Variants in CEP63 observed in about 807,000 individuals in gnomAD.
CEP63 encodes centrosomal protein 63.
In CEP63, 84 loss-of-function variants were observed where a neutral mutation model predicts 89.1. The ratio of observed to expected loss-of-function variants is 0.94; its 90% CI spans 0.79 to 1.13. CEP63 has a LOEUF of 1.13. Ranked by LOEUF, CEP63 falls within the 50% of genes most tolerant of loss-of-function variation. The pLI is 0.00. For synonymous variants in CEP63, 267 were observed against 272.5 expected (o/e 0.98, Z 0.20); for missense variants, 838 against 813.3 (o/e 1.03, Z -0.37).
At chr3:134,721,568 G>C in the CEP63 span, among the ~76,000 whole-genome samples, 1 of 152,024 alleles carries the variant, frequency 6.6e-6, no homozygotes, top group Non-Finnish European at 1.5e-5. Context: ...ATGTTTTCAG[G>C]CTTTCACCAT....
chr3:134,494,403 C>T (rs1197321032), intron 1 of CEP63, among the ~76,000 whole-genome samples: 2 of 152,046 alleles, frequency 1.3e-5, no homozygotes, highest in Non-Finnish European at 2.9e-5. Context: ...GCGTGAGCCA[C>T]CGCACCCAAC....
the CEP63 span, among the ~76,000 whole-genome samples, chr3:134,750,743 T>G: frequency 6.6e-6 from 1 of 152,196 alleles, no homozygotes; most frequent in Non-Finnish European, 1.5e-5. Flanking sequence ...CATGAGTCTT[T>G]CTTGCCTAGA....
At chr3:134,741,808 G>T in the CEP63 span, among the ~76,000 whole-genome samples, 2 of 152,134 alleles carry the variant, frequency 1.3e-5, no homozygotes, top group African/African-American at 4.8e-5. Context: ...GGGATTGTTT[G>T]CTCCCTTCTG....
At chr3:134,565,169 T>C (rs4955549), downstream of CEP63, 172,004 of 172,154 alleles carry the variant, frequency 1, 85,927 homozygotes, top group Non-Finnish European at 1. Context: ...CATCTCATTC[T>C]TCTTGTCCTG....
chr3:134,710,923 T>G, the CEP63 span, among the ~76,000 whole-genome samples: 3 of 152,030 alleles, frequency 2.0e-5, no homozygotes, highest in South Asian at 6.2e-4. Context: ...GGTTTCACCA[T>G]GTTGGCCAGG....
chr3:134,564,809 G>T lies in CEP63; in HGVS notation c.*3274G>T. On this transcript the variant is annotated 3_prime_UTR_variant, in exon 15 of 15. Transcript: ENST00000675561. ...CCCGTTTCTGAAACGTTTGTACTACGTGTTGACTAGGAGGAACAATGACAG... is the reference window on the plus strand; with the variant it reads ...CCCGTTTCTGAAACGTTTGTACTACTTGTTGACTAGGAGGAACAATGACAG... 7.1e-6 allele frequency: 7 copies of T among 985,294 alleles called. No homozygotes were observed. Among genetic ancestry groups the T allele is most frequent in the Non-Finnish European group, 8.4e-6 (7 of 829,854 alleles). 61.0% of individuals were successfully genotyped at this position (985,294 alleles called of 1,614,324 possible). A position where few individuals can be genotyped will look rare whatever the true frequency, so the allele number is the denominator to read the frequency against.
the CEP63 span, among the ~76,000 whole-genome samples, chr3:134,708,400 G>A: frequency 1.9e-4 from 29 of 152,242 alleles, no homozygotes; most frequent in Non-Finnish European, 4.0e-4. Flanking sequence ...GAGGAAATGA[G>A]CAAGAAGTCT....
At chr3:134,626,092 A>G in the CEP63 span, among the ~76,000 whole-genome samples, 1 of 152,124 alleles carries the variant, frequency 6.6e-6, no homozygotes, top group Non-Finnish European at 1.5e-5. Context: ...TTCTTAACCA[A>G]GGGTCCCTGA....
In CEP63 at chr3:134,547,451, A is replaced by G; in HGVS notation, c.1046A>G (p.Glu349Gly). ...ACTAGTGAGGACCTTCTGCAGGCAG[A>G]GGTGACTTGTCTTGAAGGCAGGTAC... ...THTSEDLLQA[E>G]VTCLEGSLES... Residue 349 changes from glutamate to glycine, a missense_variant, in exon 9 of 15, where the codon GAG (glutamate) becomes GGG (glycine). Glu to Gly is a moderately conservative substitution (Grantham distance 98). Coordinates refer to ENST00000675561, the MANE Select transcript of CEP63 (RefSeq NM_001353108.3). The G allele has an allele frequency of 6.2e-7, 1 of 1,613,822 alleles. No homozygotes were observed.
chr3:134,739,903 C>G, the CEP63 span, among the ~76,000 whole-genome samples: 1 of 152,130 alleles, frequency 6.6e-6, no homozygotes. Context: ...TTAGACAATG[C>G]CCATCACCTC....
At chr3:134,532,207 G>T (rs532922078) in intron 4 of CEP63, among the ~76,000 whole-genome samples, 93 of 152,242 alleles carry the variant, frequency 6.1e-4, no homozygotes, top group Non-Finnish European at 9.1e-4. Context: ...ATGTAATACT[G>T]TGAAATACTT....
the CEP63 span, among the ~76,000 whole-genome samples, chr3:134,645,047 G>A: frequency 6.6e-6 from 1 of 152,252 alleles, no homozygotes; most frequent in Non-Finnish European, 1.5e-5. Context: ...AATCCTCAAG[G>A]AGGGTGATTG....
At chr3:134,522,497 G>T (rs1344943549) in intron 3 of CEP63, among the ~76,000 whole-genome samples, 1 of 152,056 alleles carries the variant, frequency 6.6e-6, no homozygotes, top group Non-Finnish European at 1.5e-5. Context: ...AAATTCAGGG[G>T]TACATGTGTA....
At chr3:134,706,309 G>A in the CEP63 span, among the ~76,000 whole-genome samples, 1 of 152,092 alleles carries the variant, frequency 6.6e-6, no homozygotes, top group Admixed American at 6.6e-5. Flanking sequence ...AAATCAGCTT[G>A]TAGTCTCAGA....
the CEP63 span, among the ~76,000 whole-genome samples, chr3:134,691,988 G>A: frequency 6.6e-6 from 1 of 152,182 alleles, no homozygotes; most frequent in African/African-American, 2.4e-5. Context: ...GGGATTACAG[G>A]CGTGAGCCAC....
At chr3:134,629,421 GA>G in the CEP63 span, 1 of 557,910 alleles carries the variant, frequency 1.8e-6, no homozygotes, top group Non-Finnish European at 3.2e-6. Flanking sequence ...TAGTTCCAGA[GA>G]TGCAAAATCA....
At chr3:134,577,679 G>C (rs1958248013), downstream of CEP63, among the ~76,000 whole-genome samples, 1 of 151,834 alleles carries the variant, frequency 6.6e-6, no homozygotes, top group African/African-American at 2.4e-5. Flanking sequence ...AGGTATACAT[G>C]TGCCATGGTG....
At chr3:134,752,898 C>G in the CEP63 span, among the ~76,000 whole-genome samples, 85 of 152,238 alleles carry the variant, frequency 5.6e-4, no homozygotes, top group African/African-American at 1.9e-3. Flanking sequence ...GTGACCTGCT[C>G]TGCCCCACTC....
chr3:134,522,765 A>G (rs991880199), intron 3 of CEP63, among the ~76,000 whole-genome samples: 1 of 152,106 alleles, frequency 6.6e-6, no homozygotes, highest in Non-Finnish European at 1.5e-5. Context: ...TTATGGCTGC[A>G]TAGTATTCCA....
Sources: gnomAD v4.1 joint callset for allele counts (sites outside exome capture counted in the v4.1 genomes callset) on GRCh38, gnomAD v4.1.1 for gene constraint, MANE v1.5 for transcripts, NCBI Gene and HGNC (gene_info 2026-07-23, HGNC 2026-07-21) for gene names.